Variants in KCNT2 observed in about 807,000 individuals in gnomAD.
KCNT2 encodes the protein potassium channel subfamily T member 2.
Under a neutral mutation model 153.8 loss-of-function variants are expected in KCNT2, and 67 were observed. The ratio of observed to expected loss-of-function variants is 0.44; its 90% CI spans 0.36 to 0.53. KCNT2 has a LOEUF of 0.53. Ranked by LOEUF, KCNT2 falls within the 20% of genes least tolerant of loss-of-function variation. The probability of loss-of-function intolerance (pLI) is 0.00; values close to 1 mark genes in which losing one functional copy is unlikely to be tolerated. For missense variants in KCNT2, 975 were observed against 1,354.8 expected, an observed-to-expected ratio of 0.72 and a Z score of 4.40; for synonymous variants, 500 against 458.8, an observed-to-expected ratio of 1.09 and a Z score of -1.15.
intron 12 of KCNT2, among the ~76,000 whole-genome samples, chr1:196,413,758 T>C (rs1672529085): frequency 6.6e-6 from 1 of 151,726 alleles, no homozygotes; most frequent in Admixed American, 6.6e-5. Flanking sequence ...ACCTACTGTT[T>C]TTCTAATAAA....
chr1:196,332,914 A>T (rs772893511), intron 17 of KCNT2, among the ~76,000 whole-genome samples: 3 of 151,392 alleles, frequency 2.0e-5, no homozygotes, highest in Non-Finnish European at 4.4e-5. Flanking sequence ...CCTTCCAAGT[A>T]GGTAGGATTG....
At chr1:196,581,382 T>C (rs1558102754) in intron 1 of KCNT2, among the ~76,000 whole-genome samples, 2 of 152,120 alleles carry the variant, frequency 1.3e-5, no homozygotes, top group Non-Finnish European at 2.9e-5. Context: ...AAAGTTCTAT[T>C]TTTATATATG....
chr1:196,287,625 C>T (rs1352154769), intron 22 of KCNT2, among the ~76,000 whole-genome samples: 2 of 152,064 alleles, frequency 1.3e-5, no homozygotes, highest in East Asian at 1.9e-4. Flanking sequence ...TAAACAGCAA[C>T]GCTAATTAAA....
intron 12 of KCNT2, among the ~76,000 whole-genome samples, chr1:196,415,013 T>A (rs893151308): frequency 1.3e-5 from 2 of 151,906 alleles, no homozygotes; most frequent in Admixed American, 6.6e-5. Context: ...TTACTGCATG[T>A]GAAATGATTA....
chr1:196,479,270 C>G, intron 4 of KCNT2, 32 bp from the exon 5 acceptor site: 1 of 1,260,970 alleles, frequency 7.9e-7, no homozygotes, highest in Non-Finnish European at 1.1e-6. Flanking sequence ...AATGAGAAAA[C>G]GCAATACAAT....
intron 1 of KCNT2, among the ~76,000 whole-genome samples, chr1:196,498,624 T>C (rs1377612089): frequency 6.6e-6 from 1 of 152,162 alleles, no homozygotes; most frequent in East Asian, 1.9e-4. Context: ...ATCTGAATGG[T>C]GAGTTAATAT....
At chr1:196,410,966 C>T (rs1196931514) in intron 12 of KCNT2, among the ~76,000 whole-genome samples, 1 of 149,320 alleles carries the variant, frequency 6.7e-6, no homozygotes, top group Non-Finnish European at 1.5e-5. Context: ...CTCTTCCTTC[C>T]TTTCCCTTAC....
chr1:196,273,400 T>C, intron 25 of KCNT2: 1 of 1,020,112 alleles, frequency 9.8e-7, no homozygotes, highest in Non-Finnish European at 1.4e-6. Flanking sequence ...AATATTATTT[T>C]TCTTTAATAG....
At chr1:196,608,085 T>A in intron 1 of KCNT2, 130 bp downstream of exon 1, 1 of 772,926 alleles carries the variant, frequency 1.3e-6, no homozygotes, top group Non-Finnish European at 2.3e-6. Context: ...TCTCTTTTAC[T>A]CCCTCCCCCA....
intron 22 of KCNT2, among the ~76,000 whole-genome samples, chr1:196,295,140 G>A (rs1660562783): frequency 6.6e-6 from 1 of 151,058 alleles, no homozygotes; most frequent in African/African-American, 2.4e-5. Flanking sequence ...ATATATATGT[G>A]TATATATGTA....
intron 1 of KCNT2, among the ~76,000 whole-genome samples, chr1:196,589,191 A>G (rs1237716320): frequency 6.6e-6 from 1 of 151,980 alleles, no homozygotes; most frequent in East Asian, 1.9e-4. Flanking sequence ...ATCAGTTTGT[A>G]CAACAATATC....
intron 14 of KCNT2, among the ~76,000 whole-genome samples, chr1:196,346,220 T>G (rs535724106): frequency 1.3e-5 from 2 of 152,296 alleles, no homozygotes; most frequent in Middle Eastern, 3.4e-3. Flanking sequence ...TTCCTTGCTG[T>G]GTTTCAGGGC....
chr1:196,539,736 G>T (rs1310000040), intron 1 of KCNT2, among the ~76,000 whole-genome samples: 1 of 151,830 alleles, frequency 6.6e-6, no homozygotes, highest in Non-Finnish European at 1.5e-5. Context: ...TTTGGAAACA[G>T]ATATGAAATA....
intron 1 of KCNT2, among the ~76,000 whole-genome samples, chr1:196,559,260 A>G (rs1311643161): frequency 1.3e-5 from 2 of 151,690 alleles, no homozygotes; most frequent in Non-Finnish European, 3.0e-5. Flanking sequence ...TTTTATGCAT[A>G]ACCTGGCAGT....
At chr1:196,368,609 A>T (rs1325530994) in intron 14 of KCNT2, among the ~76,000 whole-genome samples, 3 of 152,132 alleles carry the variant, frequency 2.0e-5, no homozygotes, top group Admixed American at 1.3e-4. Flanking sequence ...CTCAGTCTTA[A>T]TCTAGAATCA....
intron 21 of KCNT2, among the ~76,000 whole-genome samples, chr1:196,311,630 G>A (rs573566466): frequency 6.6e-6 from 1 of 151,836 alleles, no homozygotes; most frequent in African/African-American, 2.4e-5. Flanking sequence ...TACCCATTCT[G>A]CCCTAAACAT....
At chr1:196,265,034 C>T (rs924691140) in intron 25 of KCNT2, among the ~76,000 whole-genome samples, 1 of 152,168 alleles carries the variant, frequency 6.6e-6, no homozygotes, top group Non-Finnish European at 1.5e-5. Context: ...CCTCACTCTC[C>T]ATGGAAAGCC....
intron 8 of KCNT2, among the ~76,000 whole-genome samples, chr1:196,456,233 A>G (rs1163017031): frequency 6.6e-6 from 1 of 151,632 alleles, no homozygotes; most frequent in Non-Finnish European, 1.5e-5. Flanking sequence ...CCAAGTTTTC[A>G]TGTTTTTTTC....
intron 1 of KCNT2, among the ~76,000 whole-genome samples, chr1:196,493,405 A>C (rs925921433): frequency 3.9e-5 from 6 of 152,014 alleles, no homozygotes; most frequent in Admixed American, 2.0e-4. Flanking sequence ...GAGAAAAAAA[A>C]AACAACTGAC....
Sources: allele counts gnomAD v4.1 joint callset (sites outside exome capture counted in the v4.1 genomes callset), GRCh38; gene constraint gnomAD v4.1.1; transcripts MANE v1.5; gene names NCBI Gene and HGNC (gene_info 2026-07-23, HGNC 2026-07-21).